Variants in CDC42BPA observed in about 807,000 individuals in gnomAD.
The protein encoded by CDC42BPA is CDC42 binding protein kinase alpha, also known as serine/threonine-protein kinase MRCK alpha.
Under a neutral mutation model 223.5 loss-of-function variants are expected in CDC42BPA, and 80 were observed. The observed-to-expected ratio is 0.36, with a 90% CI of 0.30 to 0.43. The LOEUF is 0.43. Ranked by LOEUF, CDC42BPA falls within the 20% of genes least tolerant of loss-of-function variation. The pLI is 1.00. For missense variants in CDC42BPA, 1,743 were observed against 2,099.9 expected (o/e 0.83, Z 3.32); for synonymous variants, 694 against 718.6 (o/e 0.97, Z 0.55).
intron 15 of CDC42BPA, among the ~76,000 whole-genome samples, chr1:227,100,066 G>A (rs1222588902): frequency 6.6e-6 from 1 of 152,120 alleles, no homozygotes; most frequent in Non-Finnish European, 1.5e-5. Flanking sequence ...TATAAGCTGA[G>A]AATGACAATA....
chr1:227,028,716 C>A lies in CDC42BPA; in HGVS notation c.4373G>T (p.Cys1458Phe). 1.2e-6 allele frequency: 2 copies of A among 1,604,994 alleles called. No homozygotes were observed. The highest frequency in any genetic ancestry group is 2.2e-5 in the East Asian group (1 of 44,628). Residue 1458 changes from cysteine to phenylalanine, a missense_variant, in exon 30 of 37, where the codon TGC (cysteine) becomes TTC (phenylalanine). By Grantham distance (205) the Cys-to-Phe change is radical. Around this residue, in one of 6 missense-constraint regions of CDC42BPA, gnomAD observed 678 missense variants for 777.5 expected, o/e 0.87. Coordinates refer to ENST00000366766, the MANE Select transcript of CDC42BPA (RefSeq NM_001394014.1). Reference sequence around the variant, plus strand: ...CTGTTGTCTAGATCTTCGGCCCTGGCAGTCAGTGTATATCCCAATGCTGTT... The same window carrying A: ...CTGTTGTCTAGATCTTCGGCCCTGGAAGTCAGTGTATATCCCAATGCTGTT... Reference protein sequence around the residue: ...CFNSIGIYTDCQGRRSRQQEL... With the variant: ...CFNSIGIYTDFQGRRSRQQEL...
intron 1 of CDC42BPA, among the ~76,000 whole-genome samples, chr1:227,265,593 C>T (rs1219754469): frequency 6.7e-6 from 1 of 149,764 alleles, no homozygotes; most frequent in African/African-American, 2.5e-5. Context: ...CACGCCACTG[C>T]ACTCCAGCCT....
intron 3 of CDC42BPA, among the ~76,000 whole-genome samples, 192 bp from the exon 4 acceptor site, chr1:227,199,844 T>C (rs1278661549): frequency 6.6e-6 from 1 of 152,116 alleles, no homozygotes; most frequent in Non-Finnish European, 1.5e-5. Context: ...TTTAAAAATA[T>C]ATTTTATATT....
At chr1:226,999,321 C>T (rs1008510173) in intron 35 of CDC42BPA, among the ~76,000 whole-genome samples, 18 of 151,992 alleles carry the variant, frequency 1.2e-4, no homozygotes, top group African/African-American at 4.1e-4. Flanking sequence ...GGACTACAGG[C>T]GCCCGCCACC....
rs186210023 is a variant in CDC42BPA at position 226,994,116 on chromosome 1, C to T, written c.*152G>A. On this transcript the variant is annotated 3_prime_UTR_variant, in exon 37 of 37. Transcript: ENST00000366766. The surrounding 1 kb of genome is among the most constrained non-coding windows in gnomAD (Gnocchi z 4.0). ...AGGCTGGGGGCGTGGATCTGAGAGT[C>T]GTGTCGTCAGAACTCCTGAATCCCT... The T allele has an allele frequency of 3.3e-5, 20 of 614,652 alleles. No homozygotes were observed. The highest frequency in any genetic ancestry group is 9.5e-5 in the Admixed American group (3 of 31,704). 38.1% of individuals were successfully genotyped at this position (614,652 alleles called of 1,614,324 possible).
At position 226,994,181 on chromosome 1, in the gene CDC42BPA, G is replaced by A. The variant is rs1661099104; in HGVS notation, c.*87C>T. On this transcript the variant is annotated 3_prime_UTR_variant, in exon 37 of 37. Coordinates refer to ENST00000366766, the MANE Select transcript of CDC42BPA (RefSeq NM_001394014.1). This position sits in a 1 kb window ranked among gnomAD's most constrained non-coding sequence, Gnocchi z 4.0. ...GCCAGCCCCTGGTGGCTTTCAGGCC[G>A]AGCAGGCGAGGTGGAGGGAAGAGAT... The A allele has an allele frequency of 2.8e-5, 38 of 1,378,964 alleles. 1 individual carries two copies. In the South Asian group the frequency reaches 4.9e-4, roughly 18 times the overall value. The allele number at this position is 1,378,964 out of a possible 1,614,324, so 85.4% of individuals were successfully genotyped here. A position where few individuals can be genotyped will look rare whatever the true frequency, so the allele number is the denominator to read the frequency against.
chr1:227,023,130 CAT>C, intron 32 of CDC42BPA, 131 bp downstream of exon 32: 4 of 533,788 alleles, frequency 7.5e-6, no homozygotes, highest in Non-Finnish European at 6.6e-6. Context: ...TGGCCAACAT[CAT>C]AGACTTGGAG....
chr1:227,016,028 T>C (rs1666162725), intron 34 of CDC42BPA, 52 bp downstream of exon 34: 2 of 902,586 alleles, frequency 2.2e-6, no homozygotes, highest in East Asian at 4.8e-5. Flanking sequence ...CCTATGTATT[T>C]ATACTCCCCC....
At chr1:227,140,031 T>G (rs10916091) in intron 9 of CDC42BPA, among the ~76,000 whole-genome samples, 141,678 of 152,206 alleles carry the variant, frequency 0.93, 66,133 homozygotes, top group South Asian at 0.98. Flanking sequence ...ATTATAAAAT[T>G]AAGTTTGCTG....
chr1:227,207,681 C>CA (rs1230695908), intron 3 of CDC42BPA, among the ~76,000 whole-genome samples: 1 of 151,316 alleles, frequency 6.6e-6, no homozygotes, highest in East Asian at 1.9e-4. Context: ...TATGTCCCTA[C>CA]AAAGGACATG....
At chr1:227,048,837 T>C (rs1383861372) in intron 22 of CDC42BPA, among the ~76,000 whole-genome samples, 1 of 151,510 alleles carries the variant, frequency 6.6e-6, no homozygotes, top group East Asian at 1.9e-4. Context: ...CTAGTCTTTG[T>C]ATAAAGAACA....
At chr1:227,062,885 A>G (rs187924125) in intron 21 of CDC42BPA, among the ~76,000 whole-genome samples, 73 of 152,166 alleles carry the variant, frequency 4.8e-4, no homozygotes, top group African/African-American at 1.7e-3. Flanking sequence ...AGTCTGGAGT[A>G]TGCTAAAACC....
At chr1:227,112,272 A>G in intron 14 of CDC42BPA, 40 bp downstream of exon 14, 1 of 1,238,876 alleles carries the variant, frequency 8.1e-7, no homozygotes, top group Non-Finnish European at 1.2e-6. Flanking sequence ...TAAAGAGAAG[A>G]AAATCAATTA....
At chr1:227,038,993 A>C (rs1670851471) in intron 24 of CDC42BPA, among the ~76,000 whole-genome samples, 1 of 152,226 alleles carries the variant, frequency 6.6e-6, no homozygotes, top group South Asian at 2.1e-4. Context: ...TAGCAGAAAA[A>C]CGCCTGGGAA....
At chr1:227,198,266 C>A (rs1359973000) in intron 4 of CDC42BPA, among the ~76,000 whole-genome samples, 1 of 151,642 alleles carries the variant, frequency 6.6e-6, no homozygotes, top group African/African-American at 2.4e-5. Flanking sequence ...GCCTGAGCAA[C>A]AAACTGAGAC....
intron 2 of CDC42BPA, among the ~76,000 whole-genome samples, chr1:227,233,954 TA>T (rs1678513375): frequency 6.6e-6 from 1 of 152,070 alleles, no homozygotes; most frequent in Non-Finnish European, 1.5e-5. Flanking sequence ...AATAAATACA[TA>T]AATAAGCTAG....
intron 8 of CDC42BPA, among the ~76,000 whole-genome samples, chr1:227,144,574 C>CAAAAAAAAA (rs57568297): frequency 0.01 from 641 of 63,478 alleles, 7 homozygotes; most frequent in Non-Finnish European, 0.013. Flanking sequence ...GACTCTGTCT[C>CAAAAAAAAA]AAAAAAAAAA....
intron 16 of CDC42BPA, among the ~76,000 whole-genome samples, chr1:227,088,892 A>G (rs900152662): frequency 1.3e-5 from 2 of 151,924 alleles, no homozygotes; most frequent in African/African-American, 4.8e-5. Context: ...CACCCGGTTA[A>G]TTTTTGTATT....
chr1:227,273,950 G>C (rs1438538658), intron 1 of CDC42BPA, among the ~76,000 whole-genome samples: 1 of 143,316 alleles, frequency 7.0e-6, no homozygotes, highest in African/African-American at 2.6e-5. Context: ...TGGTGGTGGG[G>C]GGAGGTGTTT....
Sources: allele counts gnomAD v4.1 joint callset (sites outside exome capture counted in the v4.1 genomes callset), GRCh38; gene constraint gnomAD v4.1.1; regional missense constraint gnomAD v4.1.1; non-coding constraint Gnocchi (gnomAD v3.1); transcripts MANE v1.5; gene names NCBI Gene and HGNC (gene_info 2026-07-23, HGNC 2026-07-21).